Variants in ATP8A2 observed in about 807,000 individuals in gnomAD.
The protein encoded by ATP8A2 is ATPase phospholipid transporting 8A2.
Under a neutral mutation model 165.6 loss-of-function variants are expected in ATP8A2, and 100 were observed. The observed-to-expected ratio is 0.60, with a 90% CI of 0.51 to 0.71. The LOEUF is 0.71. Ranked by LOEUF, ATP8A2 falls within the 30% of genes least tolerant of loss-of-function variation. The pLI, the probability that ATP8A2 is intolerant of heterozygous loss-of-function variation, is 0.00. For synonymous variants in ATP8A2, 543 were observed against 548.8 expected (o/e 0.99, Z 0.15); for missense variants, 1,227 against 1,479.5 (o/e 0.83, Z 2.80).
intron 25 of ATP8A2, among the ~76,000 whole-genome samples, chr13:25,732,952 T>C (rs1293026850): frequency 6.6e-6 from 1 of 152,184 alleles, no homozygotes; most frequent in East Asian, 1.9e-4. Context: ...GTAGAATTAT[T>C]ATAGTTGGCT....
At chr13:25,531,264 T>C (rs1235259679) in intron 4 of ATP8A2, among the ~76,000 whole-genome samples, 1 of 99,014 alleles carries the variant, frequency 1.0e-5, no homozygotes, top group Admixed American at 1.1e-4. Context: ...ATATATATGA[T>C]ATATATGATA....
intron 30 of ATP8A2, among the ~76,000 whole-genome samples, chr13:25,848,672 C>G (rs1001570693): frequency 2.6e-5 from 4 of 152,178 alleles, no homozygotes; most frequent in Non-Finnish European, 5.9e-5. Context: ...TAACCAGGAG[C>G]TTCACCCGGC....
intron 25 of ATP8A2, among the ~76,000 whole-genome samples, chr13:25,756,247 T>C (rs909785557): frequency 1.3e-5 from 2 of 152,136 alleles, no homozygotes; most frequent in Non-Finnish European, 2.9e-5. Flanking sequence ...ATGGTTATCT[T>C]GTGAAGCAGA....
intron 33 of ATP8A2, among the ~76,000 whole-genome samples, chr13:25,943,472 G>A (rs974985015): frequency 1.3e-5 from 2 of 152,086 alleles, no homozygotes; most frequent in Admixed American, 6.5e-5. Flanking sequence ...ATTCAGTACA[G>A]GAACATGCTG....
chr13:25,726,045 G>A lies in ATP8A2; in HGVS notation c.2384+26700G>A, dbSNP rs560834492. On this transcript the variant is annotated intron_variant, in intron 25 of 36. Transcript: ENST00000381655. ...TTACCTTTAGTATGTAGATAGACAC[G>A]CATTCAGAAGAAAACGAAGGTGAAA... Among the ~76,000 whole-genome samples, 3 of 152,272 alleles carry A rather than the reference G, an allele frequency of 2.0e-5. No individual in the cohort carries two copies. The East Asian group carries it at 5.8e-4, about 29-fold the overall frequency.
chr13:25,704,244 A>C (rs929142925), intron 25 of ATP8A2, among the ~76,000 whole-genome samples: 1 of 152,026 alleles, frequency 6.6e-6, no homozygotes, highest in African/African-American at 2.4e-5. Flanking sequence ...TCTAAACAGC[A>C]GTCAGGGTTG....
At chr13:25,927,237 T>G (rs1225578225) in intron 33 of ATP8A2, 1 of 456,760 alleles carries the variant, frequency 2.2e-6, no homozygotes, top group South Asian at 1.5e-5. Context: ...CACTGGAAAC[T>G]GCATCTGACA....
In ATP8A2 at chr13:25,399,780, G is replaced by T. The variant is rs117389332; in HGVS notation, c.76+27492G>T. ...CTCCTCTTCCTCCTCCTCCTCTTCT[G>T]CTTCCTCCTCTTCTTCTTTCTTCTT... On this transcript the variant is annotated intron_variant, in intron 1 of 36. Transcript: ENST00000381655. 4.1e-3 allele frequency among the ~76,000 whole-genome samples: 574 copies of T among 138,754 alleles called. 15 individuals carry two copies. The East Asian group carries it at 0.09, about 22-fold the overall frequency. 91.0% of individuals were successfully genotyped at this position (138,754 alleles called of 152,430 possible).
intron 24 of ATP8A2, among the ~76,000 whole-genome samples, chr13:25,613,603 C>CA (rs749902553): frequency 6.6e-6 from 1 of 151,964 alleles, no homozygotes; most frequent in Non-Finnish European, 1.5e-5. Context: ...CAAACAAACA[C>CA]AAAAAAAGAA....
chr13:25,768,076 T>TGGGGGGGGGG (rs397942177), intron 25 of ATP8A2, among the ~76,000 whole-genome samples: 13 of 49,108 alleles, frequency 2.6e-4, no homozygotes, highest in African/African-American at 3.9e-4. Flanking sequence ...TGTGGTGGCG[T>TGGGGGGGGGG]GGGGGGGGGG....
At chr13:25,947,398 C>T (rs1397667068) in intron 33 of ATP8A2, among the ~76,000 whole-genome samples, 1 of 152,130 alleles carries the variant, frequency 6.6e-6, no homozygotes, top group African/African-American at 2.4e-5. Context: ...TCTTGTCAGG[C>T]CCTGTGGGTG....
rs372646571 is a variant in ATP8A2 at position 25,947,908 on chromosome 13, T to A, written c.3184-13667T>A. ...CGTCTTCAGTGGTGTTCTCTGGAGA[T>A]AAGAGCAGATAAGAGAACATCATGC... On this transcript the variant is annotated intron_variant, in intron 33 of 36. Coordinates refer to ENST00000381655, the MANE Select transcript of ATP8A2 (RefSeq NM_016529.6). 3.8e-3 allele frequency among the ~76,000 whole-genome samples: 580 copies of A among 152,230 alleles called. 4 individuals are homozygous for A. Among genetic ancestry groups the A allele is most frequent in the African/African-American group, 0.014 (563 of 41,558 alleles).
intron 24 of ATP8A2, among the ~76,000 whole-genome samples, chr13:25,674,896 G>A (rs2042341911): frequency 6.6e-6 from 1 of 152,216 alleles, no homozygotes; most frequent in Non-Finnish European, 1.5e-5. Flanking sequence ...ATAATTTTGA[G>A]CTTTTGAACA....
At chr13:25,485,331 A>G (rs1175531322) in intron 2 of ATP8A2, among the ~76,000 whole-genome samples, 3 of 152,330 alleles carry the variant, frequency 2.0e-5, no homozygotes, top group South Asian at 4.1e-4. Flanking sequence ...TTCTCTGTAC[A>G]TGGGTCAGTC....
intron 24 of ATP8A2, among the ~76,000 whole-genome samples, chr13:25,603,216 G>A (rs1357839105): frequency 2.0e-5 from 3 of 151,854 alleles, no homozygotes; most frequent in African/African-American, 7.2e-5. Context: ...GGCTAGGCAC[G>A]GTGGCTCACG....
intron 2 of ATP8A2, among the ~76,000 whole-genome samples, chr13:25,505,666 G>A (rs978226362): frequency 3.3e-5 from 5 of 152,172 alleles, no homozygotes; most frequent in Non-Finnish European, 7.3e-5. Flanking sequence ...CCGCAGGTCT[G>A]GACATTACCA....
intron 1 of ATP8A2, among the ~76,000 whole-genome samples, chr13:25,436,923 C>T (rs1442073851): frequency 1.3e-5 from 2 of 152,100 alleles, no homozygotes; most frequent in East Asian, 3.9e-4. Context: ...ACTACAGGTG[C>T]CCACCACCAT....
intron 24 of ATP8A2, among the ~76,000 whole-genome samples, chr13:25,621,987 A>G (rs1468833506): frequency 6.6e-6 from 1 of 152,118 alleles, no homozygotes; most frequent in Admixed American, 6.5e-5. Context: ...AGCCTGGACA[A>G]CATGGTGAAA....
intron 33 of ATP8A2, among the ~76,000 whole-genome samples, chr13:25,874,425 A>G (rs1286164805): frequency 6.6e-6 from 1 of 152,218 alleles, no homozygotes; most frequent in African/African-American, 2.4e-5. Flanking sequence ...CTCCTATTGT[A>G]TGTTCTCTTA....
Sources: allele counts gnomAD v4.1 joint callset (sites outside exome capture counted in the v4.1 genomes callset), GRCh38; gene constraint gnomAD v4.1.1; transcripts MANE v1.5; gene names NCBI Gene and HGNC (gene_info 2026-07-23, HGNC 2026-07-21).